PTPRD: variants seen among roughly 807,000 people sequenced by gnomAD.
PTPRD encodes receptor-type tyrosine-protein phosphatase delta.
In PTPRD, 34 loss-of-function variants were observed where a neutral mutation model predicts 214.5. The observed-to-expected ratio is 0.16, with a 90% CI of 0.12 to 0.21. PTPRD has a LOEUF of 0.21. Ranked by LOEUF, PTPRD falls within the 10% of genes least tolerant of loss-of-function variation. The probability of loss-of-function intolerance (pLI) is 1.00; values close to 1 mark genes in which losing one functional copy is unlikely to be tolerated. For synonymous variants in PTPRD, 1,128 were observed against 845.7 expected (o/e 1.33, Z -5.79); for missense variants, 2,545 against 2,398.7 (o/e 1.06, Z -1.27).
rs565118897 is a variant in PTPRD, at chr9:9,531,004, A to T, written c.-237+43728T>A. ...AGTAAGCTAACTATACTAAGCAATG[A>T]TATTTTGTATATTTCAAAATAACTA... On this transcript the variant is annotated intron_variant, in intron 8 of 45. Transcript: ENST00000381196. Among the ~76,000 whole-genome samples the T allele has an allele frequency of 9.9e-5, 15 of 152,280 alleles. No homozygotes were observed. In the South Asian group the frequency reaches 3.1e-3, roughly 32 times the overall value.
chr9:9,665,243 T>C (rs62534673), intron 7 of PTPRD, among the ~76,000 whole-genome samples: 1 of 151,692 alleles, frequency 6.6e-6, no homozygotes, highest in South Asian at 2.1e-4. Context: ...GAATGGTCCA[T>C]TTAAAAACCA....
intron 8 of PTPRD, among the ~76,000 whole-genome samples, chr9:9,411,207 A>C (rs564336162): frequency 6.6e-6 from 1 of 151,774 alleles, no homozygotes; most frequent in South Asian, 2.1e-4. Flanking sequence ...ATTCCCAATA[A>C]TATATTAGAG....
intron 34 of PTPRD, among the ~76,000 whole-genome samples, chr9:8,449,251 C>T (rs1183980002): frequency 6.6e-6 from 1 of 151,980 alleles, no homozygotes; most frequent in Non-Finnish European, 1.5e-5. Context: ...ATTTTCCTCC[C>T]TCCCTCCCTC....
intron 9 of PTPRD, among the ~76,000 whole-genome samples, chr9:9,290,780 C>T (rs1478989170): frequency 6.6e-6 from 1 of 151,388 alleles, no homozygotes; most frequent in African/African-American, 2.4e-5. Flanking sequence ...GATTCATTTG[C>T]TAATTATTTT....
intron 7 of PTPRD, among the ~76,000 whole-genome samples, chr9:9,675,280 A>G (rs2096907722): frequency 6.6e-6 from 1 of 151,842 alleles, no homozygotes; most frequent in Non-Finnish European, 1.5e-5. Context: ...TAGATGCAGT[A>G]AAAGGACTTT....
intron 7 of PTPRD, among the ~76,000 whole-genome samples, chr9:9,635,513 C>G (rs1014931442): frequency 1.3e-5 from 2 of 152,134 alleles, no homozygotes; most frequent in Non-Finnish European, 2.9e-5. Context: ...ATTCTGGGGA[C>G]TGTGATGAGC....
chr9:9,727,172 T>C (rs906195960), intron 7 of PTPRD, among the ~76,000 whole-genome samples: 2 of 152,130 alleles, frequency 1.3e-5, no homozygotes, highest in Non-Finnish European at 2.9e-5. Flanking sequence ...TAAATTATTC[T>C]TGGCCGGGCG....
At chr9:10,302,703 A>G (rs1049738699) in intron 3 of PTPRD, among the ~76,000 whole-genome samples, 3 of 152,218 alleles carry the variant, frequency 2.0e-5, no homozygotes, top group African/African-American at 7.2e-5. Context: ...CAATGCAACA[A>G]GAAGAGCTAA....
intron 8 of PTPRD, among the ~76,000 whole-genome samples, chr9:9,515,730 A>C (rs2096821857): frequency 1.3e-5 from 2 of 152,018 alleles, no homozygotes; most frequent in Admixed American, 1.3e-4. Context: ...GCAAATATTT[A>C]ATAAAGACTG....
At chr9:9,409,508 G>A (rs182765095) in intron 8 of PTPRD, among the ~76,000 whole-genome samples, 1 of 152,030 alleles carries the variant, frequency 6.6e-6, no homozygotes, top group African/African-American at 2.4e-5. Context: ...TAACACAGCT[G>A]GTGAGTAAAC....
chr9:9,014,176 C>CGT (rs2099523598), intron 11 of PTPRD, among the ~76,000 whole-genome samples: 1 of 123,116 alleles, frequency 8.1e-6, no homozygotes, highest in African/African-American at 3.2e-5. Flanking sequence ...GCTATTACCT[C>CGT]GTTTTTTTTT....
intron 3 of PTPRD, among the ~76,000 whole-genome samples, chr9:10,313,418 A>ACACACACAC (rs1565224183): frequency 6.6e-6 from 1 of 151,536 alleles, no homozygotes; most frequent in Non-Finnish European, 1.5e-5. Context: ...ACACACACAC[A>ACACACACAC]AATTTTTAAA....
chr9:8,617,695 G>A (rs1417950554), intron 14 of PTPRD, among the ~76,000 whole-genome samples: 1 of 151,990 alleles, frequency 6.6e-6, no homozygotes, highest in Non-Finnish European at 1.5e-5. Flanking sequence ...AATTTAAAGA[G>A]TCTAAAAATC....
At chr9:10,301,407 C>T (rs584317) in intron 3 of PTPRD, among the ~76,000 whole-genome samples, 36,028 of 151,994 alleles carry the variant, frequency 0.24, 4,637 homozygotes, top group African/African-American at 0.34. Flanking sequence ...CAAAACTGGA[C>T]GGAGAATGAA....
chr9:9,624,281 G>T (rs112355118), intron 7 of PTPRD, among the ~76,000 whole-genome samples: 120 of 147,392 alleles, frequency 8.1e-4, no homozygotes, highest in South Asian at 3.7e-3. Flanking sequence ...TTTTTTTTTT[G>T]TTTGTTTGTT....
chr9:8,809,063 G>T (rs2154521941), intron 11 of PTPRD, among the ~76,000 whole-genome samples: 1 of 152,210 alleles, frequency 6.6e-6, no homozygotes, highest in East Asian at 1.9e-4. Flanking sequence ...ACCACAGCTT[G>T]GTTTTCAAGG....
intron 8 of PTPRD, among the ~76,000 whole-genome samples, chr9:9,463,008 AG>A (rs2093801681): frequency 6.6e-6 from 1 of 152,190 alleles, no homozygotes; most frequent in South Asian, 2.1e-4. Flanking sequence ...AAAGTAAAAA[AG>A]ATTGTTTGTG....
chr9:9,683,098 A>G lies in PTPRD; in HGVS notation c.-287+51435T>C, dbSNP rs552727154. ...ATGCTTATGGCAAGGTCATTAGGCTAAGGTTCTAGATTCTCTTTTGATGAC... is the reference window on the plus strand; with the variant it reads ...ATGCTTATGGCAAGGTCATTAGGCTGAGGTTCTAGATTCTCTTTTGATGAC... On this transcript the variant is annotated intron_variant, in intron 7 of 45. Coordinates refer to ENST00000381196, the MANE Select transcript of PTPRD (RefSeq NM_002839.4). Among the ~76,000 whole-genome samples, 7 of 151,968 alleles carry G rather than the reference A, an allele frequency of 4.6e-5. No homozygotes were observed. In the South Asian group the frequency reaches 1.4e-3, roughly 31 times the overall value.
intron 9 of PTPRD, among the ~76,000 whole-genome samples, chr9:9,226,694 A>G (rs574678143): frequency 1.3e-5 from 2 of 152,242 alleles, no homozygotes; most frequent in Non-Finnish European, 2.9e-5. Context: ...GGAGATAAGT[A>G]CTTTGACTAT....
Sources: allele counts gnomAD v4.1 joint callset (sites outside exome capture counted in the v4.1 genomes callset), GRCh38; gene constraint gnomAD v4.1.1; transcripts MANE v1.5; gene names NCBI Gene and HGNC (gene_info 2026-07-23, HGNC 2026-07-21).